SLX4IP: variants seen among roughly 807,000 people sequenced by gnomAD.
The protein encoded by SLX4IP is protein SLX4IP.
SLX4IP carries 34 observed loss-of-function variants against 32.9 expected under a neutral mutation model. The ratio of observed to expected loss-of-function variants is 1.03; its 90% CI spans 0.79 to 1.38. The LOEUF (loss-of-function observed/expected upper bound fraction) is 1.38. Ranked by LOEUF, SLX4IP falls within the 40% of genes most tolerant of loss-of-function variation. The probability of loss-of-function intolerance (pLI) is 0.00; values close to 1 mark genes in which losing one functional copy is unlikely to be tolerated. For synonymous variants in SLX4IP, 172 were observed against 171.7 expected, an observed-to-expected ratio of 1.00 and a Z score of -0.01; for missense variants, 444 against 479.0, an observed-to-expected ratio of 0.93 and a Z score of 0.68.
At chr20:10,551,587 A>G (rs1195018014) in intron 2 of SLX4IP, among the ~76,000 whole-genome samples, 1 of 152,228 alleles carries the variant, frequency 6.6e-6, no homozygotes, top group Admixed American at 6.5e-5. Flanking sequence ...ACCTGTCTCC[A>G]TGGCTTATAG....
chr20:10,549,044 T>A (rs1365288013), intron 2 of SLX4IP, among the ~76,000 whole-genome samples: 1 of 152,222 alleles, frequency 6.6e-6, no homozygotes, highest in South Asian at 2.1e-4. Flanking sequence ...GGGCCAGTGT[T>A]TCACGTGAGT....
intron 7 of SLX4IP, among the ~76,000 whole-genome samples, 174 bp downstream of exon 7, chr20:10,621,588 A>G (rs375534472): frequency 2.0e-5 from 3 of 152,130 alleles, no homozygotes; most frequent in African/African-American, 7.2e-5. Flanking sequence ...TAGGGATAGA[A>G]TCCTTGCTTC....
At chr20:10,437,369 T>TA (rs1192729654) in intron 1 of SLX4IP, among the ~76,000 whole-genome samples, 1 of 152,172 alleles carries the variant, frequency 6.6e-6, no homozygotes, top group African/African-American at 2.4e-5. Flanking sequence ...CTGGGAGCTT[T>TA]AAAAACAGAC....
intron 4 of SLX4IP, among the ~76,000 whole-genome samples, chr20:10,587,246 T>C (rs1427134033): frequency 6.9e-6 from 1 of 144,812 alleles, no homozygotes; most frequent in Non-Finnish European, 1.5e-5. Flanking sequence ...ACAACATTAA[T>C]AAATTAAAAA....
chr20:10,484,943 G>A (rs2065559264), intron 2 of SLX4IP, among the ~76,000 whole-genome samples: 3 of 152,034 alleles, frequency 2.0e-5, no homozygotes, highest in Admixed American at 2.0e-4. Flanking sequence ...CAGGGAGAGT[G>A]CACTCAGAAA....
intron 2 of SLX4IP, among the ~76,000 whole-genome samples, chr20:10,512,514 C>G (rs1244254873): frequency 6.7e-6 from 1 of 149,298 alleles, no homozygotes; most frequent in Non-Finnish European, 1.5e-5. Context: ...CCTGCCTCAG[C>G]CTTCCAAGTA....
chr20:10,536,126 A>G (rs911442423), intron 2 of SLX4IP, among the ~76,000 whole-genome samples: 2 of 152,334 alleles, frequency 1.3e-5, no homozygotes, highest in South Asian at 2.1e-4. Flanking sequence ...CTTATATACT[A>G]TTTACATAAT....
At chr20:10,468,557 G>A (rs764884623) in intron 2 of SLX4IP, among the ~76,000 whole-genome samples, 11 of 152,138 alleles carry the variant, frequency 7.2e-5, no homozygotes, top group Non-Finnish European at 1.0e-4. Context: ...ACTTATTCCT[G>A]TGAAACTAAT....
intron 2 of SLX4IP, among the ~76,000 whole-genome samples, chr20:10,550,391 C>T (rs766872338): frequency 1.3e-5 from 2 of 152,292 alleles, no homozygotes; most frequent in East Asian, 1.9e-4. Flanking sequence ...GTGGTAGAAA[C>T]GGACCACATG....
intron 4 of SLX4IP, among the ~76,000 whole-genome samples, chr20:10,594,038 C>G (rs2066741367): frequency 6.6e-6 from 1 of 152,286 alleles, no homozygotes; most frequent in Admixed American, 6.5e-5. Flanking sequence ...CCTTATTGCT[C>G]AAGAGCTGTG....
At chr20:10,481,385 T>A (rs527603897) in intron 2 of SLX4IP, among the ~76,000 whole-genome samples, 1 of 152,342 alleles carries the variant, frequency 6.6e-6, no homozygotes, top group East Asian at 1.9e-4. Context: ...CATTGTCTGT[T>A]CCATTTCTTA....
chr20:10,579,392 G>C (rs553001143), intron 4 of SLX4IP, among the ~76,000 whole-genome samples: 4 of 151,342 alleles, frequency 2.6e-5, no homozygotes, highest in Admixed American at 2.6e-4. Context: ...TTTATTTCTG[G>C]ACTCTCAATT....
chr20:10,440,408 T>C (rs191115343), intron 1 of SLX4IP, among the ~76,000 whole-genome samples: 3 of 152,176 alleles, frequency 2.0e-5, no homozygotes, highest in East Asian at 1.9e-4. Context: ...TGAGCCAAGA[T>C]AGTGCAACTG....
intron 4 of SLX4IP, among the ~76,000 whole-genome samples, chr20:10,574,587 CA>C (rs2066502883): frequency 3.3e-5 from 5 of 152,094 alleles, no homozygotes; most frequent in African/African-American, 1.2e-4. Flanking sequence ...AGACTTTCGG[CA>C]TATCTGGGAA....
chr20:10,536,579 G>T (rs2066047168), intron 2 of SLX4IP, among the ~76,000 whole-genome samples: 1 of 152,154 alleles, frequency 6.6e-6, no homozygotes, highest in African/African-American at 2.4e-5. Flanking sequence ...GGCTCCCTTG[G>T]CAAACGTTAC....
At chr20:10,487,605 C>T (rs1032286795) in intron 2 of SLX4IP, among the ~76,000 whole-genome samples, 6 of 152,130 alleles carry the variant, frequency 3.9e-5, no homozygotes, top group African/African-American at 1.2e-4. Context: ...GATTAGTCAG[C>T]CACTTGATAT....
chr20:10,445,199 A>AC (rs2065191778), intron 1 of SLX4IP, among the ~76,000 whole-genome samples: 1 of 149,976 alleles, frequency 6.7e-6, no homozygotes, highest in African/African-American at 2.5e-5. Context: ...CTCTCCTTCC[A>AC]CCCCCTACTG....
chr20:10,599,327 G>A (rs2066813424), intron 5 of SLX4IP, among the ~76,000 whole-genome samples: 1 of 152,166 alleles, frequency 6.6e-6, no homozygotes, highest in Admixed American at 6.5e-5. Context: ...ATATGATATA[G>A]GAACTTTAAA....
intron 6 of SLX4IP, among the ~76,000 whole-genome samples, chr20:10,616,440 A>T (rs1351288496): frequency 6.6e-6 from 1 of 151,332 alleles, no homozygotes; most frequent in Admixed American, 6.6e-5. Flanking sequence ...ATAAAATGTC[A>T]AGTCCCTTTT....
Sources: gnomAD v4.1 joint callset for allele counts (sites outside exome capture counted in the v4.1 genomes callset) on GRCh38, gnomAD v4.1.1 for gene constraint, MANE v1.5 for transcripts, NCBI Gene and HGNC (gene_info 2026-07-23, HGNC 2026-07-21) for gene names.